LIPE: variants seen among roughly 807,000 people sequenced by gnomAD.
LIPE encodes lipase E, hormone sensitive type.
Under a neutral mutation model 88.5 loss-of-function variants are expected in LIPE, and 66 were observed. That is an observed-to-expected ratio of 0.75 (90% CI 0.61 to 0.91). The LOEUF (loss-of-function observed/expected upper bound fraction) is 0.91. Ranked by LOEUF, LIPE falls within the 40% of genes least tolerant of loss-of-function variation. The pLI, the probability that LIPE is intolerant of heterozygous loss-of-function variation, is 0.00. For missense variants in LIPE, 1,346 were observed against 1,434.7 expected (o/e 0.94, Z 1.00); for synonymous variants, 570 against 617.5 (o/e 0.92, Z 1.14).
chr19:42,405,790 C>T lies in LIPE; in HGVS notation c.2366-229G>A, dbSNP rs970149242. 22 of 558,448 alleles carry T rather than the reference C, an allele frequency of 3.9e-5. No homozygotes were observed. The East Asian group carries it at 4.2e-4, about 11-fold the overall frequency. The allele number at this position is 558,448 out of a possible 1,614,324, so 34.6% of individuals were successfully genotyped here. ...TTCAAGACCAGCCTGGGCAACATAG[C>T]GAAAAACACAAAAATTAGCTGGGCG... On this transcript the variant is annotated intron_variant, in intron 7 of 9. Coordinates refer to ENST00000244289, the MANE Select transcript of LIPE (RefSeq NM_005357.4).
chr19:42,404,709 G>A (rs2040113599), intron 8 of LIPE, among the ~76,000 whole-genome samples: 1 of 152,196 alleles, frequency 6.6e-6, no homozygotes, highest in South Asian at 2.1e-4. Flanking sequence ...AAAACAATGT[G>A]AGAATAACTA....
chr19:42,418,087 A>T (rs1464706695), intron 1 of LIPE, among the ~76,000 whole-genome samples: 1 of 151,606 alleles, frequency 6.6e-6, no homozygotes. Context: ...GGTTCAAGTG[A>T]TTCTCCTACC....
rs2040714881 is a variant in LIPE at position 42,426,729 on chromosome 19, G to T, written c.421C>A (p.Pro141Thr). 1 of 1,614,084 alleles carries T rather than the reference G, an allele frequency of 6.2e-7. No individual in the cohort carries two copies. ...LRQRHVAQPG[P>T]GPGEPPPAQQ... Reference sequence around the variant, plus strand: ...GCTGGAGGTGGCTCTCCTGGCCCAGGCCCTGGCTGGGCTACATGTCTTTGT... The same window carrying T: ...GCTGGAGGTGGCTCTCCTGGCCCAGTCCCTGGCTGGGCTACATGTCTTTGT... The change falls in exon 1 of 10, where the codon CCT becomes ACT. Residue 141 changes from proline to threonine, a missense_variant. By Grantham distance (38) the Pro-to-Thr change is conservative. Coordinates refer to ENST00000244289, the MANE Select transcript of LIPE (RefSeq NM_005357.4).
Position 42,407,175 on chromosome 19 carries a change from A to G in LIPE, c.2136T>C (p.Leu712=). ...YCWAIKHCAL[L]GSTGERICLA... is the part of the protein sequence containing the mutation. The stretch of plus-strand genomic sequence containing the variant: ...TGGCTGTGGGGGCCTGAGGCTCACC[A>G]AGGAGGGCGCAGTGCTTGATGGCCC... Residue 712 remains leucine, a splice_region_variant and synonymous_variant, in exon 6 of 10, where the codon CTT becomes CTC. Coordinates refer to ENST00000244289, the MANE Select transcript of LIPE (RefSeq NM_005357.4). The surrounding 1 kb of genome is among the most constrained non-coding windows in gnomAD (Gnocchi z 5.8). The G allele has an allele frequency of 1.3e-6, 2 of 1,496,176 alleles. No homozygotes were observed. Among genetic ancestry groups the G allele is most frequent in the Non-Finnish European group, 1.8e-6 (2 of 1,119,246 alleles). The allele number at this position is 1,496,176 out of a possible 1,614,324, so 92.7% of individuals were successfully genotyped here. A position where few individuals can be genotyped will look rare whatever the true frequency, so the allele number is the denominator to read the frequency against.
intron 1 of LIPE, among the ~76,000 whole-genome samples, 166 bp downstream of exon 1, chr19:42,426,101 C>CTTTTTTTT (rs1030833973): frequency 9.6e-6 from 1 of 104,122 alleles, no homozygotes; most frequent in Non-Finnish European, 1.9e-5. Flanking sequence ...TGCGCCCAGC[C>CTTTTTTTT]TTTTTTTTTT....
chr19:42,409,358 C>T (rs773579946), intron 2 of LIPE, among the ~76,000 whole-genome samples: 39 of 149,364 alleles, frequency 2.6e-4, no homozygotes, highest in Non-Finnish European at 5.6e-4. Context: ...TTGAGACCAG[C>T]CTGGCCAACA....
At chr19:42,424,012 G>T in intron 1 of LIPE, 1 of 1,180,216 alleles carries the variant, frequency 8.5e-7, no homozygotes, top group South Asian at 1.6e-5. Flanking sequence ...CCTGGGGTGG[G>T]GGCGGGCCAG....
chr19:42,403,135 A>G, intron 8 of LIPE, 104 bp from the exon 9 acceptor site: 2 of 1,180,952 alleles, frequency 1.7e-6, no homozygotes, highest in Non-Finnish European at 2.3e-6. Flanking sequence ...GCGCTGTGAA[A>G]GGCTGTGTTT....
intron 1 of LIPE, chr19:42,424,305 A>G: frequency 2.2e-6 from 1 of 461,688 alleles, no homozygotes; most frequent in Non-Finnish European, 4.3e-6. Flanking sequence ...ATGCTTGAGA[A>G]ATGGCGGGAA....
chr19:42,412,311 G>T (rs1371811082), intron 1 of LIPE: 2 of 985,538 alleles, frequency 2.0e-6, no homozygotes, highest in African/African-American at 1.7e-5. Context: ...TTCCCTTCTA[G>T]GTCCTGGGGC....
chr19:42,410,196 G>T lies in LIPE; in HGVS notation c.1419+111C>A. 9.0e-7 allele frequency: 1 copy of T among 1,116,428 alleles called. No individual in the cohort carries two copies. The highest frequency in any genetic ancestry group is 1.2e-6 in the Non-Finnish European group (1 of 802,966). The allele number at this position is 1,116,428 out of a possible 1,614,324, so 69.2% of individuals were successfully genotyped here. On this transcript the variant is annotated intron_variant, in intron 2 of 9. Coordinates refer to ENST00000244289, the MANE Select transcript of LIPE (RefSeq NM_005357.4). The surrounding 1 kb of genome is among the most constrained non-coding windows in gnomAD (Gnocchi z 6.1). ...CTTCTCCTTTCTGTACCTGCTGTTT[G>T]CTGAGTCCGATAATGCTGACCACTG...
At chr19:42,413,184 T>C (rs989862027) in intron 1 of LIPE, among the ~76,000 whole-genome samples, 13 of 152,356 alleles carry the variant, frequency 8.5e-5, no homozygotes, top group Admixed American at 8.5e-4. Flanking sequence ...AGCTAAGATA[T>C]GCACGCCCCC....
chr19:42,409,535 T>C (rs1233354933), intron 2 of LIPE, among the ~76,000 whole-genome samples: 1 of 152,030 alleles, frequency 6.6e-6, no homozygotes, highest in South Asian at 2.1e-4. Flanking sequence ...TGCTAGACAC[T>C]GGGCTGGAGC....
intron 1 of LIPE, among the ~76,000 whole-genome samples, chr19:42,418,280 G>C (rs1005551133): frequency 6.6e-6 from 1 of 152,204 alleles, no homozygotes; most frequent in Non-Finnish European, 1.5e-5. Context: ...ACCGTGCCTG[G>C]CCTGACCCCA....
At chr19:42,404,065 CT>C (rs528946715) in intron 8 of LIPE, among the ~76,000 whole-genome samples, 2,521 of 138,648 alleles carry the variant, frequency 0.018, 21 homozygotes, top group South Asian at 0.035. Flanking sequence ...TAGTTTTTTA[CT>C]TTTTTTTTTT....
chr19:42,410,633 C>T lies in LIPE; in HGVS notation c.1093G>A (p.Asp365Asn). 1.9e-6 allele frequency: 3 copies of T among 1,613,452 alleles called. No homozygotes were observed. Among genetic ancestry groups the T allele is most frequent in the Non-Finnish European group, 2.5e-6 (3 of 1,179,780 alleles). ...TACCCGTTGGCCGGTGTCTCTGGGT[C>T]CAGGTCAAAGAGGTGCGCCACACCC... is the stretch of plus-strand genomic sequence containing the variant. ...LLGVAHLFDL[D>N]PETPANGYRS... The change falls in exon 2 of 10, where the codon GAC becomes AAC. Residue 365 changes from aspartate (D) to asparagine (N), a missense_variant. Coordinates refer to ENST00000244289, the MANE Select transcript of LIPE (RefSeq NM_005357.4). This position sits in a 1 kb window ranked among gnomAD's most constrained non-coding sequence, Gnocchi z 6.1.
At chr19:42,422,645 A>G (rs1568613174) in intron 1 of LIPE, among the ~76,000 whole-genome samples, 1 of 152,140 alleles carries the variant, frequency 6.6e-6, no homozygotes. Context: ...AAATGCTTGT[A>G]ACTGAGGACC....
intron 1 of LIPE, among the ~76,000 whole-genome samples, chr19:42,419,254 G>A (rs1022497825): frequency 2.6e-5 from 4 of 152,002 alleles, no homozygotes; most frequent in African/African-American, 9.7e-5. Flanking sequence ...CTCCAGCCTC[G>A]GCAACAAGAC....
In LIPE at chr19:42,407,425, C is replaced by T. The variant is rs760194099; in HGVS notation, c.1886G>A (p.Arg629Gln). The change falls in exon 6 of 10, where the codon CGG (arginine) becomes CAG (glutamine). Residue 629 changes from arginine (R) to glutamine (Q), a missense_variant. Coordinates refer to ENST00000244289, the MANE Select transcript of LIPE (RefSeq NM_005357.4). This position sits in a 1 kb window ranked among gnomAD's most constrained non-coding sequence, Gnocchi z 5.8. ...LSSLIKSNGQ[R>Q]SLELWPRPQQ... ...GGGGCGCGGCCACAGCTCCAGGCTC[C>T]GTTGGCCGTTGGACTTTATCAGGCT... The T allele has an allele frequency of 2.0e-5, 32 of 1,613,420 alleles. No homozygotes were observed. The highest frequency in any genetic ancestry group is 8.8e-5 in the South Asian group (8 of 91,040).
Sources: allele counts gnomAD v4.1 joint callset (sites outside exome capture counted in the v4.1 genomes callset), GRCh38; gene constraint gnomAD v4.1.1; non-coding constraint Gnocchi (gnomAD v3.1); transcripts MANE v1.5; gene names NCBI Gene and HGNC (gene_info 2026-07-23, HGNC 2026-07-21).